Variants in ZNF500 observed in about 807,000 individuals in gnomAD.
ZNF500 encodes zinc finger protein with KRAB and SCAN domains 18.
In ZNF500, 31 loss-of-function variants were observed where a neutral mutation model predicts 30.1. That is an observed-to-expected ratio of 1.03 (90% CI 0.77 to 1.39). The LOEUF (loss-of-function observed/expected upper bound fraction) is 1.39, where lower values mean the gene tolerates loss of function less well. Among genes scored for constraint, ZNF500 ranks in the 40% most tolerant of loss-of-function variants. ZNF500 has a pLI of 0.00. For synonymous variants in ZNF500, 392 were observed against 282.0 expected (o/e 1.39, Z -3.91); for missense variants, 817 against 657.8 (o/e 1.24, Z -2.65).
intron 3 of ZNF500, 119 bp from the exon 4 acceptor site, chr16:4,762,454 G>C: frequency 6.6e-7 from 1 of 1,513,944 alleles, no homozygotes; most frequent in Non-Finnish European, 8.9e-7. Flanking sequence ...ACTCCTTGCT[G>C]GAGAGCCTGT....
downstream of ZNF500, among the ~76,000 whole-genome samples, chr16:4,745,861 G>A (rs535798498): frequency 8.8e-4 from 132 of 150,830 alleles, 1 homozygote; most frequent in African/African-American, 3.2e-3. Context: ...GCTGAGGCAG[G>A]AGAAATCTCT....
At chr16:4,756,122 G>A (rs1234687217) in intron 5 of ZNF500, among the ~76,000 whole-genome samples, 2 of 152,202 alleles carry the variant, frequency 1.3e-5, no homozygotes, top group African/African-American at 4.8e-5. Context: ...TGAGGGCCAG[G>A]CCTGATAGCT....
intron 1 of ZNF500, among the ~76,000 whole-genome samples, chr16:4,766,436 G>A (rs769692777): frequency 1.3e-5 from 2 of 152,106 alleles, no homozygotes; most frequent in Admixed American, 6.6e-5. Flanking sequence ...CCTGGTCAAC[G>A]TGGTGGAACC....
chr16:4,745,161 C>T, downstream of ZNF500: 1 of 1,099,222 alleles, frequency 9.1e-7, no homozygotes, highest in Non-Finnish European at 1.3e-6. Flanking sequence ...CTCCAGTCAT[C>T]CCCATTTTAG....
chr16:4,759,498 GA>G (rs1410941441), intron 5 of ZNF500, among the ~76,000 whole-genome samples: 4 of 152,090 alleles, frequency 2.6e-5, no homozygotes, highest in Non-Finnish European at 4.4e-5. Flanking sequence ...CCTTAAAAAG[GA>G]AAAAAATTCT....
intron 5 of ZNF500, chr16:4,758,418 G>A (rs1476785985): frequency 6.6e-6 from 1 of 152,174 alleles, no homozygotes; most frequent in Non-Finnish European, 1.5e-5. Context: ...GAGCCGGGAG[G>A]GCTGGCAAAT....
Position 4,751,832 on chromosome 16 carries a change from C to A in ZNF500, c.*544G>T. 2 of 608,418 alleles carry A rather than the reference C, an allele frequency of 3.3e-6. No individual in the cohort carries two copies. Among genetic ancestry groups the A allele is most frequent in the Non-Finnish European group, 2.8e-6 (1 of 352,470 alleles). 37.7% of individuals were successfully genotyped at this position (608,418 alleles called of 1,614,324 possible). On this transcript the variant is annotated 3_prime_UTR_variant, in exon 6 of 6. Coordinates refer to ENST00000219478, the MANE Select transcript of ZNF500 (RefSeq NM_021646.4). ...ATGAGGCAGGAGGAACACTTGAGCC[C>A]AGGGATTCGAGGCTGCAGTGAGCTA...
rs1246991559 is a variant in ZNF500 at position 4,751,339 on chromosome 16, CCA to C, written c.*1035_*1036del. On this transcript the variant is annotated 3_prime_UTR_variant, in exon 6 of 6. Coordinates refer to ENST00000219478, the MANE Select transcript of ZNF500 (RefSeq NM_021646.4). The stretch of plus-strand genomic sequence containing the variant: ...TGGGGCAACCGTGGAAGGCCACATT[CCA>C]GACACTAAGGGGCCAGGAGCAAACG... The C allele has an allele frequency of 9.3e-5, 47 of 502,686 alleles. No homozygotes were observed. Among genetic ancestry groups the C allele is most frequent in the Non-Finnish European group, 1.2e-4 (35 of 282,562 alleles). The allele number at this position is 502,686 out of a possible 1,614,324, so 31.1% of individuals were successfully genotyped here.
intron 2 of ZNF500, chr16:4,763,186 C>A (rs2082226703): frequency 1.1e-6 from 1 of 916,654 alleles, no homozygotes; most frequent in African/African-American, 1.8e-5. Flanking sequence ...TCACCTGAGG[C>A]CAGGAGTTCG....
intron 5 of ZNF500, 126 bp downstream of exon 5, chr16:4,760,366 G>T (rs934070966): frequency 2.4e-6 from 2 of 818,780 alleles, no homozygotes; most frequent in Admixed American, 2.3e-5. Context: ...GCAGGGATAC[G>T]GGTAGCCCTG....
chr16:4,764,953 T>A (rs1182131512), intron 2 of ZNF500, among the ~76,000 whole-genome samples: 1 of 152,108 alleles, frequency 6.6e-6, no homozygotes, highest in African/African-American at 2.4e-5. Flanking sequence ...TCTCCCACTT[T>A]GGGGGTAGTT....
chr16:4,762,902 G>T, intron 2 of ZNF500, 146 bp from the exon 3 acceptor site: 1 of 1,411,526 alleles, frequency 7.1e-7, no homozygotes, highest in Non-Finnish European at 9.2e-7. Flanking sequence ...GCCCAGCCGT[G>T]TGGCAGTGTT....
chr16:4,746,604 G>A, downstream of ZNF500: 2 of 1,427,884 alleles, frequency 1.4e-6, no homozygotes, highest in Non-Finnish European at 1.9e-6. Context: ...TGATGGGGAG[G>A]AACAGGGACT....
At chr16:4,764,473 C>G (rs899869269) in intron 2 of ZNF500, among the ~76,000 whole-genome samples, 10 of 150,798 alleles carry the variant, frequency 6.6e-5, no homozygotes, top group African/African-American at 1.5e-4. Flanking sequence ...GAGACTCTGT[C>G]TCACAAAAAT....
At chr16:4,763,229 C>T in intron 2 of ZNF500, 1 of 603,260 alleles carries the variant, frequency 1.7e-6, no homozygotes, top group East Asian at 1.4e-4. Context: ...GAAACCCCAT[C>T]TCTACTAAAA....
chr16:4,751,427 G>A lies in ZNF500; in HGVS notation c.*949C>T, dbSNP rs1312048012. 3 of 718,072 alleles carry A rather than the reference G, an allele frequency of 4.2e-6. No individual in the cohort carries two copies. In the African/African-American group the frequency reaches 5.4e-5, roughly 13 times the overall value. The allele number at this position is 718,072 out of a possible 1,614,324, so 44.5% of individuals were successfully genotyped here. A position where few individuals can be genotyped will look rare whatever the true frequency, so the allele number is the denominator to read the frequency against. On this transcript the variant is annotated 3_prime_UTR_variant, in exon 6 of 6. Transcript: ENST00000219478. The stretch of plus-strand genomic sequence containing the variant: ...CCGTCACATCCCAGGCAACATGTCA[G>A]GAAGATGGAACTCAGGGGTGCTTTC...
chr16:4,745,964 A>AAAAAAAG (rs2082011354), downstream of ZNF500, among the ~76,000 whole-genome samples: 1 of 151,814 alleles, frequency 6.6e-6, no homozygotes, highest in Non-Finnish European at 1.5e-5. Context: ...AAAAAAAAAA[A>AAAAAAAG]AAAAAGAAAA....
chr16:4,758,035 G>A (rs1567528306), intron 5 of ZNF500, among the ~76,000 whole-genome samples: 3 of 151,196 alleles, frequency 2.0e-5, no homozygotes, highest in South Asian at 2.1e-4. Flanking sequence ...CCAAGTAGCT[G>A]GGATTATAGG....
At chr16:4,762,385 C>T (rs1202632944) in intron 3 of ZNF500, 50 bp from the exon 4 acceptor site, 5 of 1,546,970 alleles carry the variant, frequency 3.2e-6, no homozygotes, top group East Asian at 2.3e-5. Flanking sequence ...CCAGTACTGC[C>T]CCTGCCGTCC....
Sources: gnomAD v4.1 joint callset for allele counts (sites outside exome capture counted in the v4.1 genomes callset) on GRCh38, gnomAD v4.1.1 for gene constraint, MANE v1.5 for transcripts, NCBI Gene and HGNC (gene_info 2026-07-23, HGNC 2026-07-21) for gene names.